The following MTUS2 variants were observed in gnomAD, a reference collection of about 807,000 sequenced individuals.
MTUS2 encodes microtubule associated scaffold protein 2.
Under a neutral mutation model 114.1 loss-of-function variants are expected in MTUS2, and 40 were observed. The observed-to-expected ratio is 0.35, with a 90% CI of 0.27 to 0.46. The LOEUF (loss-of-function observed/expected upper bound fraction) is 0.46. Among genes scored for constraint, MTUS2 ranks in the 20% least tolerant of loss-of-function variants. The pLI is 1.00. For synonymous variants in MTUS2, 688 were observed against 672.0 expected, an observed-to-expected ratio of 1.02 and a Z score of -0.37; for missense variants, 1,679 against 1,705.4, an observed-to-expected ratio of 0.98 and a Z score of 0.27.
intron 4 of MTUS2, among the ~76,000 whole-genome samples, chr13:29,040,712 G>A (rs1472031451): frequency 6.6e-6 from 1 of 152,132 alleles, no homozygotes; most frequent in East Asian, 1.9e-4. Flanking sequence ...CTGATAATTA[G>A]TAATGATGAT....
intron 8 of MTUS2, among the ~76,000 whole-genome samples, chr13:29,436,986 C>T (rs930277983): frequency 1.6e-4 from 25 of 152,256 alleles, no homozygotes; most frequent in African/African-American, 5.8e-4. Context: ...TCATAGTCAG[C>T]GCCATACCGA....
intron 5 of MTUS2, among the ~76,000 whole-genome samples, chr13:29,233,300 A>G (rs2139368329): frequency 6.6e-6 from 1 of 152,178 alleles, no homozygotes; most frequent in Non-Finnish European, 1.5e-5. Flanking sequence ...ATAGGTGACC[A>G]AAAAGTGGAC....
chr13:29,126,778 G>A (rs1467197398), intron 5 of MTUS2, among the ~76,000 whole-genome samples: 4 of 152,146 alleles, frequency 2.6e-5, no homozygotes, highest in Non-Finnish European at 5.9e-5. Flanking sequence ...ACCTTAGAAT[G>A]CCTATGTTGG....
chr13:29,499,459 T>C (rs1252277827), intron 14 of MTUS2, among the ~76,000 whole-genome samples: 1 of 152,224 alleles, frequency 6.6e-6, no homozygotes, highest in African/African-American at 2.4e-5. Context: ...AATAAACTTT[T>C]GATACTAACA....
chr13:29,395,155 C>T (rs1873815773), intron 8 of MTUS2, among the ~76,000 whole-genome samples: 1 of 152,136 alleles, frequency 6.6e-6, no homozygotes, highest in African/African-American at 2.4e-5. Context: ...AATTTGATGT[C>T]TTATTGCTAC....
At chr13:29,428,997 G>GTGC (rs1177613526) in intron 8 of MTUS2, 2 of 1,186,612 alleles carry the variant, frequency 1.7e-6, no homozygotes, top group Non-Finnish European at 2.5e-6. Context: ...TAGCATGCGT[G>GTGC]TGCGCTTTGT....
intron 8 of MTUS2, among the ~76,000 whole-genome samples, chr13:29,387,251 C>G (rs892771187): frequency 4.6e-5 from 7 of 152,208 alleles, no homozygotes; most frequent in African/African-American, 1.7e-4. Flanking sequence ...GGAAACAGTT[C>G]TAAAGAAGTG....
intron 8 of MTUS2, among the ~76,000 whole-genome samples, chr13:29,408,232 AT>A (rs1874937884): frequency 6.6e-6 from 1 of 151,548 alleles, no homozygotes; most frequent in Non-Finnish European, 1.5e-5. Flanking sequence ...TTGTGTCTTG[AT>A]TAAAAAAAAA....
intron 2 of MTUS2, among the ~76,000 whole-genome samples, chr13:28,859,214 G>C (rs1301886571): frequency 1.3e-5 from 2 of 152,186 alleles, no homozygotes; most frequent in East Asian, 3.8e-4. Flanking sequence ...ACTTGACCCT[G>C]TGTTGCCCTG....
intron 5 of MTUS2, among the ~76,000 whole-genome samples, chr13:29,160,413 A>T (rs1257886434): frequency 6.6e-6 from 1 of 152,240 alleles, no homozygotes; most frequent in African/African-American, 2.4e-5. Context: ...TCCATGAATT[A>T]TGTTATCAGT....
intron 11 of MTUS2, among the ~76,000 whole-genome samples, chr13:29,491,010 G>T (rs1256517910): frequency 1.6e-5 from 1 of 62,788 alleles, no homozygotes; most frequent in African/African-American, 4.3e-5. Flanking sequence ...TGTGTGTGGT[G>T]TGGGAGGTAT....
chr13:29,360,797 C>G (rs1034541532), intron 8 of MTUS2, among the ~76,000 whole-genome samples: 1 of 147,702 alleles, frequency 6.8e-6, no homozygotes, highest in African/African-American at 2.5e-5. Context: ...GAAGGTGATT[C>G]GTCGTATTTC....
chr13:29,189,870 C>A (rs1894375697), intron 5 of MTUS2, among the ~76,000 whole-genome samples: 2 of 152,040 alleles, frequency 1.3e-5, no homozygotes, highest in African/African-American at 2.4e-5. Context: ...AGCATTAACC[C>A]CCAATAGGAT....
At chr13:29,177,814 G>A (rs1010060024) in intron 5 of MTUS2, among the ~76,000 whole-genome samples, 1 of 152,146 alleles carries the variant, frequency 6.6e-6, no homozygotes, top group Non-Finnish European at 1.5e-5. Context: ...AAGCTCCAAT[G>A]TGTGCTCAGA....
chr13:28,966,395 A>T (rs1883583900), intron 2 of MTUS2, among the ~76,000 whole-genome samples: 1 of 152,224 alleles, frequency 6.6e-6, no homozygotes, highest in South Asian at 2.1e-4. Flanking sequence ...TTCTTATTAG[A>T]TAATTTTCTA....
chr13:29,072,978 G>C (rs1192586070), intron 4 of MTUS2, among the ~76,000 whole-genome samples: 1 of 152,020 alleles, frequency 6.6e-6, no homozygotes, highest in African/African-American at 2.4e-5. Context: ...CCTTCTGTTG[G>C]TAGCACTTTG....
At chr13:29,359,130 C>G (rs997454682) in intron 7 of MTUS2, 132 bp from the exon 8 acceptor site, 6 of 884,338 alleles carry the variant, frequency 6.8e-6, no homozygotes, top group African/African-American at 1.7e-5. Context: ...CTTTTCAATC[C>G]TTAAAAATGA....
Position 29,206,630 on chromosome 13 carries a change from TG to T in MTUS2, c.2645-75073del, listed in dbSNP as rs1231149573. 1.6e-4 allele frequency among the ~76,000 whole-genome samples: 24 copies of T among 152,276 alleles called. No individual in the cohort carries two copies. The East Asian group carries it at 4.6e-3, about 29-fold the overall frequency. The stretch of plus-strand genomic sequence containing the variant: ...CAGTTTCATTCTTCTGCATGCGGCT[TG>T]CCAGTTATCTCAGCACCATTTGTTG... On this transcript the variant is annotated intron_variant, in intron 5 of 15. Coordinates refer to ENST00000612955, the MANE Select transcript of MTUS2 (RefSeq NM_001033602.4).
chr13:29,306,882 C>T (rs1271409232), intron 6 of MTUS2: 3 of 506,284 alleles, frequency 5.9e-6, no homozygotes, highest in African/African-American at 5.8e-5. Context: ...CCATCAGTGA[C>T]CCCTTCATTG....
Sources: allele counts gnomAD v4.1 joint callset (sites outside exome capture counted in the v4.1 genomes callset), GRCh38; gene constraint gnomAD v4.1.1; transcripts MANE v1.5; gene names NCBI Gene and HGNC (gene_info 2026-07-23, HGNC 2026-07-21).